Variants in AGAP1 observed in about 807,000 individuals in gnomAD.
AGAP1 encodes arf-GAP with GTPase, ANK repeat and PH domain-containing protein 1.
A neutral mutation model predicts 105.3 loss-of-function variants in AGAP1; 29 were observed. That is an observed-to-expected ratio of 0.28 (90% CI 0.21 to 0.38). The LOEUF (loss-of-function observed/expected upper bound fraction) is 0.38. Ranked by LOEUF, AGAP1 falls within the 10% of genes least tolerant of loss-of-function variation. AGAP1 has a pLI of 1.00. For missense variants in AGAP1, 998 were observed against 1,165.1 expected (o/e 0.86, Z 2.09); for synonymous variants, 509 against 485.9 (o/e 1.05, Z -0.63).
In AGAP1 at chr2:236,045,295, C is replaced by T. The variant is rs551616421; in HGVS notation, c.1892-3764C>T. ...ATTTCTGTGGGCAGGGATTTTTCTCCGTTTTGTTCACTGCTGTATCCCCAG... is the reference window on the plus strand; with the variant it reads ...ATTTCTGTGGGCAGGGATTTTTCTCTGTTTTGTTCACTGCTGTATCCCCAG... On this transcript the variant is annotated intron_variant, in intron 15 of 17. Transcript: ENST00000304032. The surrounding 1 kb of genome is among the most constrained non-coding windows in gnomAD (Gnocchi z 6.9). Among the ~76,000 whole-genome samples the T allele has an allele frequency of 1.3e-5, 2 of 152,264 alleles. No individual in the cohort carries two copies. Among genetic ancestry groups the T allele is most frequent in the East Asian group, 1.9e-4 (1 of 5,186 alleles).
At chr2:235,654,475 A>G (rs1947709387) in intron 1 of AGAP1, among the ~76,000 whole-genome samples, 1 of 152,256 alleles carries the variant, frequency 6.6e-6, no homozygotes, top group Non-Finnish European at 1.5e-5. Flanking sequence ...ATTCTACGCC[A>G]CTGATTGAAT....
In AGAP1 at chr2:235,692,392, G is replaced by A. The variant is rs115789871; in HGVS notation, c.164-16787G>A. 1.8e-4 allele frequency among the ~76,000 whole-genome samples: 27 copies of A among 152,150 alleles called. No homozygotes were observed. In the South Asian group the frequency reaches 4.8e-3, roughly 27 times the overall value. On this transcript the variant is annotated intron_variant, in intron 1 of 17. Coordinates refer to ENST00000304032, the MANE Select transcript of AGAP1 (RefSeq NM_001037131.3). This position sits in a 1 kb window ranked among gnomAD's most constrained non-coding sequence, Gnocchi z 5.8. ...GTGCCTGCACTGCCAGGTGCACATC[G>A]AGCCTAATCTGGCTTAGGAAACAGG... is the stretch of plus-strand genomic sequence containing the variant.
chr2:235,848,425 G>A (rs1471392603), intron 9 of AGAP1, among the ~76,000 whole-genome samples: 1 of 152,254 alleles, frequency 6.6e-6, no homozygotes, highest in East Asian at 1.9e-4. Flanking sequence ...TCTAACACTG[G>A]GAGCTATTCA....
intron 1 of AGAP1, among the ~76,000 whole-genome samples, chr2:235,588,490 C>T (rs376505909): frequency 2.6e-5 from 4 of 152,230 alleles, no homozygotes; most frequent in African/African-American, 7.2e-5. Flanking sequence ...GTGGCTGCTA[C>T]ACCCTGGTCA....
rs1463075815 is a variant in AGAP1 at position 235,615,598 on chromosome 2, G to A, written c.164-93581G>A. Among the ~76,000 whole-genome samples the A allele has an allele frequency of 1.3e-5, 2 of 152,212 alleles. No individual in the cohort carries two copies. Among genetic ancestry groups the A allele is most frequent in the East Asian group, 1.9e-4 (1 of 5,188 alleles). ...AAGAGAAAGTATTTTAAGGAAGTGG[G>A]GTCAGCTTTCCTCTGCTCCCCTGAC... is the stretch of plus-strand genomic sequence containing the variant. On this transcript the variant is annotated intron_variant, in intron 1 of 17. Transcript: ENST00000304032. This position sits in a 1 kb window ranked among gnomAD's most constrained non-coding sequence, Gnocchi z 5.0.
intron 1 of AGAP1, among the ~76,000 whole-genome samples, chr2:235,520,019 T>C (rs1275922363): frequency 6.6e-6 from 1 of 152,168 alleles, no homozygotes; most frequent in Non-Finnish European, 1.5e-5. Context: ...TGACCTCAGG[T>C]GATTCGCCTG....
Position 236,120,564 on chromosome 2 carries a change from A to G in AGAP1, c.2370+117A>G, listed in dbSNP as rs2059875917. ...TGTTGTTCTCGATCTGCAAGTGGAA[A>G]CAGTTCCTAATGGGAAACTCTGATT... On this transcript the variant is annotated intron_variant, in intron 17 of 17. Transcript: ENST00000304032. This position sits in a 1 kb window ranked among gnomAD's most constrained non-coding sequence, Gnocchi z 6.0. 2 of 1,511,094 alleles carry G rather than the reference A, an allele frequency of 1.3e-6. No homozygotes were observed. Among genetic ancestry groups the G allele is most frequent in the Middle Eastern group, 2.4e-4 (1 of 4,090 alleles). The allele number at this position is 1,511,094 out of a possible 1,614,324, so 93.6% of individuals were successfully genotyped here.
chr2:236,117,929 G>A (rs1242845089), intron 16 of AGAP1, among the ~76,000 whole-genome samples: 1 of 152,074 alleles, frequency 6.6e-6, no homozygotes, highest in Non-Finnish European at 1.5e-5. Flanking sequence ...TGTGGGGGCC[G>A]GTGTCAGTTC....
intron 16 of AGAP1, among the ~76,000 whole-genome samples, chr2:236,100,851 T>C (rs903609234): frequency 6.6e-6 from 1 of 151,086 alleles, no homozygotes; most frequent in South Asian, 2.1e-4. Context: ...AAAAAAAAAT[T>C]AGTTGAGAAA....
At position 235,611,965 on chromosome 2, in the gene AGAP1, A is replaced by G. The variant is rs947175820; in HGVS notation, c.164-97214A>G. Among the ~76,000 whole-genome samples, 2 of 152,156 alleles carry G rather than the reference A, an allele frequency of 1.3e-5. No individual in the cohort carries two copies. Among genetic ancestry groups the G allele is most frequent in the South Asian group, 2.1e-4 (1 of 4,826 alleles). ...AGACCACATCCTAGGTGGCGGTCAC[A>G]AACCCGGCCCAGCGGCCTCCCTGCT... On this transcript the variant is annotated intron_variant, in intron 1 of 17. Coordinates refer to ENST00000304032, the MANE Select transcript of AGAP1 (RefSeq NM_001037131.3). This position sits in a 1 kb window ranked among gnomAD's most constrained non-coding sequence, Gnocchi z 5.0.
At chr2:235,803,080 TGATGGTTGTG>T in intron 8 of AGAP1, among the ~76,000 whole-genome samples, 1 of 144,076 alleles carries the variant, frequency 6.9e-6, no homozygotes, top group South Asian at 2.1e-4. Context: ...GTGATGGTGA[TGATGGTTGTG>T]GTGATGGTGA....
Position 235,790,921 on chromosome 2 carries a change from TGTAA to T in AGAP1, c.674-6835_674-6832del, listed in dbSNP as rs547051238. 3.9e-3 allele frequency among the ~76,000 whole-genome samples: 600 copies of T among 152,330 alleles called. 3 individuals are homozygous for T. Among genetic ancestry groups the T allele is most frequent in the Non-Finnish European group, 6.9e-3 (469 of 68,028 alleles). Reference sequence around the variant, plus strand: ...CAGTTTGGCAGGATCTCCGCAGGTGTGTAAGTGCCAGGCTATGCCATGGGTCCCA... The same window carrying T: ...CAGTTTGGCAGGATCTCCGCAGGTGTGTGCCAGGCTATGCCATGGGTCCCA... On this transcript the variant is annotated intron_variant, in intron 6 of 17. Coordinates refer to ENST00000304032, the MANE Select transcript of AGAP1 (RefSeq NM_001037131.3).
intron 16 of AGAP1, among the ~76,000 whole-genome samples, chr2:236,052,689 T>G (rs1375676328): frequency 6.6e-6 from 1 of 152,164 alleles, no homozygotes. Flanking sequence ...TCTTTTTGGA[T>G]GGATTCTGCA....
At chr2:235,651,048 G>C (rs1039830552) in intron 1 of AGAP1, among the ~76,000 whole-genome samples, 5 of 151,974 alleles carry the variant, frequency 3.3e-5, no homozygotes, top group Non-Finnish European at 7.4e-5. Flanking sequence ...AGGCATGGTG[G>C]CATGCTCCTG....
intron 1 of AGAP1, among the ~76,000 whole-genome samples, chr2:235,498,844 T>G (rs1324601193): frequency 6.6e-6 from 1 of 152,188 alleles, no homozygotes; most frequent in East Asian, 1.9e-4. Flanking sequence ...GGCTCTCCAC[T>G]GGCCTGGCAC....
chr2:235,931,858 C>T lies in AGAP1; in HGVS notation c.1483+935C>T, dbSNP rs2052736858. Among the ~76,000 whole-genome samples, 1 of 152,060 alleles carries T rather than the reference C, an allele frequency of 6.6e-6. No homozygotes were observed. The highest frequency in any genetic ancestry group is 2.4e-5 in the African/African-American group (1 of 41,404). On this transcript the variant is annotated intron_variant, in intron 12 of 17. Transcript: ENST00000304032. This position sits in a 1 kb window ranked among gnomAD's most constrained non-coding sequence, Gnocchi z 5.6. The stretch of plus-strand genomic sequence containing the variant: ...GGGAGACGCGGAGTCAGCGAGGTAG[C>T]TCCACACCATAGCGGTGCGGGTCTG...
intron 8 of AGAP1, among the ~76,000 whole-genome samples, chr2:235,804,336 A>T (rs1156239875): frequency 6.6e-6 from 1 of 152,214 alleles, no homozygotes; most frequent in Non-Finnish European, 1.5e-5. Context: ...GATACCATTA[A>T]ACAGAGCCAA....
intron 1 of AGAP1, among the ~76,000 whole-genome samples, chr2:235,562,437 T>C (rs1944187091): frequency 6.6e-6 from 1 of 152,124 alleles, no homozygotes; most frequent in Non-Finnish European, 1.5e-5. Flanking sequence ...TGTTCCTGAA[T>C]AGCACGGATT....
rs2049477562 is a variant in AGAP1 at position 235,872,142 on chromosome 2, C to A, written c.1051-11203C>A. ...TAAAGGTGTCATATCAATTCCTGTC[C>A]ATGAAATGAGGATAATCAATGACCA... On this transcript the variant is annotated intron_variant, in intron 9 of 17. Coordinates refer to ENST00000304032, the MANE Select transcript of AGAP1 (RefSeq NM_001037131.3). The surrounding 1 kb of genome is among the most constrained non-coding windows in gnomAD (Gnocchi z 4.5). Among the ~76,000 whole-genome samples the A allele has an allele frequency of 1.3e-5, 2 of 152,106 alleles. No individual in the cohort carries two copies. Among genetic ancestry groups the A allele is most frequent in the African/African-American group, 4.8e-5 (2 of 41,402 alleles).
Sources: gnomAD v4.1 joint callset for allele counts (sites outside exome capture counted in the v4.1 genomes callset) on GRCh38, gnomAD v4.1.1 for gene constraint, Gnocchi (gnomAD v3.1) non-coding constraint, MANE v1.5 for transcripts, NCBI Gene and HGNC (gene_info 2026-07-23, HGNC 2026-07-21) for gene names.